Variants in CDH12 observed in about 807,000 individuals in gnomAD.
The protein encoded by CDH12 is cadherin 12.
CDH12 carries 41 observed loss-of-function variants against 74.1 expected under a neutral mutation model. That is an observed-to-expected ratio of 0.55 (90% CI 0.43 to 0.72). CDH12 has a LOEUF of 0.72. Ranked by LOEUF, CDH12 falls within the 30% of genes least tolerant of loss-of-function variation. The probability of loss-of-function intolerance (pLI) is 0.00; values close to 1 mark genes in which losing one functional copy is unlikely to be tolerated. For synonymous variants in CDH12, 399 were observed against 355.0 expected, an observed-to-expected ratio of 1.12 and a Z score of -1.39; for missense variants, 945 against 977.2, an observed-to-expected ratio of 0.97 and a Z score of 0.44.
chr5:22,431,740 G>A (rs187868904), intron 2 of CDH12, among the ~76,000 whole-genome samples: 4 of 152,222 alleles, frequency 2.6e-5, no homozygotes, highest in Admixed American at 2.0e-4. Context: ...GTGTGTTTGT[G>A]TCTTTATTTT....
chr5:22,530,993 T>C (rs1302041881), intron 1 of CDH12, among the ~76,000 whole-genome samples: 1 of 152,140 alleles, frequency 6.6e-6, no homozygotes, highest in Non-Finnish European at 1.5e-5. Context: ...AACTTACATA[T>C]TTCCTCTGGT....
rs114767704 is a variant in CDH12 at position 22,485,535 on chromosome 5, G to A, written c.-428+19735C>T. Among the ~76,000 whole-genome samples the A allele has an allele frequency of 8.2e-3, 1,247 of 151,990 alleles. 17 individuals are homozygous for A. Among genetic ancestry groups the A allele is most frequent in the African/African-American group, 0.029 (1,206 of 41,478 alleles). On this transcript the variant is annotated intron_variant, in intron 2 of 14. Transcript: ENST00000382254. The stretch of plus-strand genomic sequence containing the variant: ...TTTTATTCTTATGCTTTTTTCCCCT[G>A]GCCAACATAAAGTTAAATCATTTGG...
chr5:22,355,498 G>T (rs941554012), intron 3 of CDH12, among the ~76,000 whole-genome samples: 23 of 95,256 alleles, frequency 2.4e-4, no homozygotes, highest in Admixed American at 3.0e-4. Context: ...GAAGGAGAGA[G>T]ATATATATAT....
At chr5:22,482,621 T>G (rs1746428017) in intron 2 of CDH12, among the ~76,000 whole-genome samples, 1 of 152,170 alleles carries the variant, frequency 6.6e-6, no homozygotes, top group African/African-American at 2.4e-5. Flanking sequence ...TTAGAAAAAT[T>G]TTTAGCATAA....
At chr5:22,393,821 T>A (rs1399156107) in intron 3 of CDH12, among the ~76,000 whole-genome samples, 1 of 152,084 alleles carries the variant, frequency 6.6e-6, no homozygotes, top group African/African-American at 2.4e-5. Flanking sequence ...GTATATATAT[T>A]TGGAAGCCAA....
At chr5:22,570,520 G>GA (rs984135024) in intron 1 of CDH12, among the ~76,000 whole-genome samples, 17 of 147,618 alleles carry the variant, frequency 1.2e-4, no homozygotes, top group East Asian at 2.0e-4. Context: ...GTAATATTTT[G>GA]AAAAAAAAAA....
chr5:22,634,515 A>G (rs1024789229), intron 1 of CDH12, among the ~76,000 whole-genome samples: 11 of 152,170 alleles, frequency 7.2e-5, no homozygotes, highest in African/African-American at 2.7e-4. Context: ...TTATAATGAT[A>G]ACATTTTCAA....
chr5:22,819,443 G>C (rs1749557133), intron 1 of CDH12, among the ~76,000 whole-genome samples: 1 of 151,860 alleles, frequency 6.6e-6, no homozygotes. Context: ...AAAGTAAAGT[G>C]GGCAACTCAA....
chr5:22,172,454 C>T (rs1749085433), intron 4 of CDH12: 1 of 151,810 alleles, frequency 6.6e-6, no homozygotes, highest in South Asian at 2.1e-4. Context: ...CTCTTAAAGC[C>T]CCACAAGAAA....
chr5:22,164,584 T>C (rs1394207129), intron 4 of CDH12, among the ~76,000 whole-genome samples: 4 of 151,930 alleles, frequency 2.6e-5, no homozygotes, highest in South Asian at 2.1e-4. Context: ...TAGAGTGAAA[T>C]AGAGTGAAAA....
chr5:21,796,988 T>C (rs1314477407), intron 10 of CDH12, among the ~76,000 whole-genome samples: 1 of 152,066 alleles, frequency 6.6e-6, no homozygotes, highest in Non-Finnish European at 1.5e-5. Flanking sequence ...TATACAGCAT[T>C]AGAAACAAGA....
At chr5:22,761,210 G>C (rs1678806045) in intron 1 of CDH12, among the ~76,000 whole-genome samples, 2 of 152,096 alleles carry the variant, frequency 1.3e-5, no homozygotes, top group Non-Finnish European at 2.9e-5. Context: ...GCATAAAATT[G>C]CCACCCAGCT....
chr5:22,626,847 G>C (rs972186005), intron 1 of CDH12, among the ~76,000 whole-genome samples: 4 of 152,016 alleles, frequency 2.6e-5, no homozygotes, highest in African/African-American at 7.3e-5. Context: ...AGAATCTGAG[G>C]AATATGATAA....
chr5:21,824,761 C>T (rs1748565293), intron 8 of CDH12, among the ~76,000 whole-genome samples: 1 of 152,164 alleles, frequency 6.6e-6, no homozygotes, highest in Non-Finnish European at 1.5e-5. Context: ...CTACCACTCA[C>T]TTTTAGTAGA....
At chr5:22,656,840 GAGAGAGAGAA>G (rs748400516) in intron 1 of CDH12, among the ~76,000 whole-genome samples, 1 of 152,056 alleles carries the variant, frequency 6.6e-6, no homozygotes, top group Non-Finnish European at 1.5e-5. Context: ...GTGTGTGTTG[GAGAGAGAGAA>G]AGAGAGAGAC....
intron 1 of CDH12, among the ~76,000 whole-genome samples, chr5:22,645,788 A>G (rs1739404662): frequency 6.6e-6 from 1 of 152,002 alleles, no homozygotes; most frequent in Non-Finnish European, 1.5e-5. Flanking sequence ...AGCATCCATC[A>G]ACAATGAGTC....
intron 1 of CDH12, among the ~76,000 whole-genome samples, chr5:22,517,056 T>C (rs1736844043): frequency 6.6e-6 from 1 of 151,978 alleles, no homozygotes; most frequent in African/African-American, 2.4e-5. Flanking sequence ...AAAATAGCTA[T>C]AGTAAGGTTA....
intron 1 of CDH12, among the ~76,000 whole-genome samples, chr5:22,558,951 T>TA (rs1738922994): frequency 6.6e-6 from 1 of 152,050 alleles, no homozygotes; most frequent in Admixed American, 6.6e-5. Context: ...TTTACTAATT[T>TA]AAAAAAGCAA....
intron 4 of CDH12, among the ~76,000 whole-genome samples, chr5:22,160,320 A>G: frequency 6.6e-6 from 1 of 152,146 alleles, no homozygotes; most frequent in Admixed American, 6.5e-5. Flanking sequence ...TTCCCAAGGG[A>G]CACTGTGGTA....
Sources: allele counts gnomAD v4.1 joint callset (sites outside exome capture counted in the v4.1 genomes callset), GRCh38; gene constraint gnomAD v4.1.1; transcripts MANE v1.5; gene names NCBI Gene and HGNC (gene_info 2026-07-23, HGNC 2026-07-21).